The following KCNQ1 variants were observed in gnomAD, a reference collection of about 807,000 sequenced individuals.
KCNQ1 encodes potassium voltage-gated channel subfamily KQT member 1.
KCNQ1 carries 49 observed loss-of-function variants against 72.4 expected under a neutral mutation model. The observed-to-expected ratio is 0.68, with a 90% CI of 0.54 to 0.86. KCNQ1 has a LOEUF of 0.86. KCNQ1 is among the 40% of genes least tolerant of loss of function. The probability of loss-of-function intolerance (pLI) is 0.00; values close to 1 mark genes in which losing one functional copy is unlikely to be tolerated. For synonymous variants in KCNQ1, 450 were observed against 412.6 expected (o/e 1.09, Z -1.10); for missense variants, 790 against 945.1 (o/e 0.84, Z 2.15).
rs1481678954 is a variant in KCNQ1 at position 2,748,800 on chromosome 11, G to A, written c.1515-20044G>A. On this transcript the variant is annotated intron_variant, in intron 11 of 15. Transcript: ENST00000155840. This position sits in a 1 kb window ranked among gnomAD's most constrained non-coding sequence, Gnocchi z 6.2. ...ACTCACTGTGAGCTACAGAGACTGT[G>A]TTCTGGCCAGGTGAATGGTGCCCCT... 6.6e-6 allele frequency among the ~76,000 whole-genome samples: 1 copy of A among 152,254 alleles called. No individual in the cohort carries two copies. Among genetic ancestry groups the A allele is most frequent in the Non-Finnish European group, 1.5e-5 (1 of 68,046 alleles).
At position 2,767,554 on chromosome 11, in the gene KCNQ1, A is replaced by T. The variant is rs1157840888; in HGVS notation, c.1515-1290A>T. 2.0e-5 allele frequency among the ~76,000 whole-genome samples: 3 copies of T among 152,078 alleles called. No homozygotes were observed. Among genetic ancestry groups the T allele is most frequent in the African/African-American group, 7.2e-5 (3 of 41,414 alleles). On this transcript the variant is annotated intron_variant, in intron 11 of 15. Coordinates refer to ENST00000155840, the MANE Select transcript of KCNQ1 (RefSeq NM_000218.3). This position sits in a 1 kb window ranked among gnomAD's most constrained non-coding sequence, Gnocchi z 4.6. The stretch of plus-strand genomic sequence containing the variant: ...TATAAAATTGTAGATGCTCGAGGGT[A>T]TTATCTCCCTACAGATAATTTTATT...
chr11:2,583,056 T>C (rs1265176833), intron 6 of KCNQ1, among the ~76,000 whole-genome samples: 1 of 152,054 alleles, frequency 6.6e-6, no homozygotes, highest in Non-Finnish European at 1.5e-5. Flanking sequence ...GAGCTCCCGG[T>C]CTCCTGGGGG....
chr11:2,708,766 A>G lies in KCNQ1; in HGVS notation c.1514+46685A>G, dbSNP rs188431801. ...CTGTTCTCTCCCCAGGCCAATGGCC[A>G]GGGCTAAAGCCCTCCTTGGGACATG... is the stretch of plus-strand genomic sequence containing the variant. On this transcript the variant is annotated intron_variant, in intron 11 of 15. Transcript: ENST00000155840. Among the ~76,000 whole-genome samples the G allele has an allele frequency of 2.0e-4, 30 of 152,312 alleles. No homozygotes were observed. The East Asian group carries it at 3.9e-3, about 20-fold the overall frequency.
At chr11:2,807,488 G>C (rs538450744) in intron 15 of KCNQ1, among the ~76,000 whole-genome samples, 1 of 152,336 alleles carries the variant, frequency 6.6e-6, no homozygotes, top group Non-Finnish European at 1.5e-5. Context: ...ATGTCATGAG[G>C]TAACTGAACA....
chr11:2,838,251 TG>T (rs1271280325), intron 15 of KCNQ1, among the ~76,000 whole-genome samples: 1 of 152,088 alleles, frequency 6.6e-6, no homozygotes, highest in African/African-American at 2.4e-5. Context: ...GGGGGACAGG[TG>T]CCAAACTATC....
At chr11:2,717,845 AC>A (rs1197964990) in intron 11 of KCNQ1, among the ~76,000 whole-genome samples, 1 of 151,562 alleles carries the variant, frequency 6.6e-6, no homozygotes, top group Non-Finnish European at 1.5e-5. Context: ...GGCCAGAGGA[AC>A]CCCCTCTCCC....
intron 1 of KCNQ1, among the ~76,000 whole-genome samples, chr11:2,467,540 A>G (rs1274754057): frequency 6.6e-6 from 1 of 152,188 alleles, no homozygotes; most frequent in African/African-American, 2.4e-5. Flanking sequence ...GAGAACCACA[A>G]TCCGAGTCAC....
At chr11:2,792,863 G>T (rs1477837737) in intron 15 of KCNQ1, among the ~76,000 whole-genome samples, 3 of 152,206 alleles carry the variant, frequency 2.0e-5, no homozygotes, top group Non-Finnish European at 2.9e-5. Flanking sequence ...TGACAGCGGG[G>T]CCAGCACGCA....
At chr11:2,455,283 A>G (rs1205244754) in intron 1 of KCNQ1, among the ~76,000 whole-genome samples, 1 of 152,006 alleles carries the variant, frequency 6.6e-6, no homozygotes, top group African/African-American at 2.4e-5. Flanking sequence ...ATTTTTTAGT[A>G]GAGACGGGGT....
intron 15 of KCNQ1, among the ~76,000 whole-genome samples, chr11:2,789,419 CTGTT>C (rs1321661579): frequency 6.6e-6 from 1 of 152,220 alleles, no homozygotes; most frequent in East Asian, 1.9e-4. Context: ...TCAAAGCCAT[CTGTT>C]TGTCCATAGA....
chr11:2,480,303 A>G (rs573653360), intron 1 of KCNQ1, among the ~76,000 whole-genome samples: 1 of 152,314 alleles, frequency 6.6e-6, no homozygotes, highest in African/African-American at 2.4e-5. Context: ...GCTGATAAAG[A>G]CATACCTGAG....
At chr11:2,743,237 G>T (rs1351524585) in intron 11 of KCNQ1, among the ~76,000 whole-genome samples, 1 of 152,052 alleles carries the variant, frequency 6.6e-6, no homozygotes, top group Non-Finnish European at 1.5e-5. Flanking sequence ...ACCATGCGGG[G>T]CCCCTCATTG....
chr11:2,568,272 CATAAATAAATAA>C (rs71029149), intron 2 of KCNQ1, among the ~76,000 whole-genome samples: 61 of 149,174 alleles, frequency 4.1e-4, no homozygotes, highest in East Asian at 1.0e-3. Flanking sequence ...GACTCTGTCT[CATAAATAAATAA>C]ATAAATAAAT....
At chr11:2,716,675 A>G (rs2283202) in intron 11 of KCNQ1, among the ~76,000 whole-genome samples, 74,393 of 152,142 alleles carry the variant, frequency 0.49, 18,811 homozygotes, top group South Asian at 0.7. Context: ...CCCAAGCCCC[A>G]GAGACTCCAG....
At chr11:2,616,053 A>G (rs2133797142) in intron 10 of KCNQ1, 1 of 398,156 alleles carries the variant, frequency 2.5e-6, no homozygotes, top group Non-Finnish European at 4.4e-6. Flanking sequence ...GGGTCTGCTC[A>G]TAATTTCAAT....
At chr11:2,533,054 G>C (rs1160204119) in intron 2 of KCNQ1, among the ~76,000 whole-genome samples, 1 of 152,040 alleles carries the variant, frequency 6.6e-6, no homozygotes, top group African/African-American at 2.4e-5. Context: ...GGGAACCCAG[G>C]AGGGGCCGGG....
chr11:2,627,436 C>A lies in KCNQ1; in HGVS notation c.1394-34525C>A, dbSNP rs1353590855. On this transcript the variant is annotated intron_variant, in intron 10 of 15. Coordinates refer to ENST00000155840, the MANE Select transcript of KCNQ1 (RefSeq NM_000218.3). This position sits in a 1 kb window ranked among gnomAD's most constrained non-coding sequence, Gnocchi z 4.9. ...TTCATCTGATAACTCTATGTTTGTA[C>A]CCTTCAACATTTCCTATTTCCCCTA... 1 of 398,324 alleles carries A rather than the reference C, an allele frequency of 2.5e-6. No individual in the cohort carries two copies. Among genetic ancestry groups the A allele is most frequent in the Non-Finnish European group, 4.4e-6 (1 of 226,010 alleles). 24.7% of individuals were successfully genotyped at this position (398,324 alleles called of 1,614,324 possible).
intron 10 of KCNQ1, chr11:2,648,981 C>CTTTTTCTTTTTTTTTTTT (rs1849710913): frequency 4.7e-6 from 1 of 213,306 alleles, no homozygotes; most frequent in African/African-American, 4.4e-5. Flanking sequence ...TTTTCTTTTT[C>CTTTTTCTTTTTTTTTTTT]TTTTTTTTTT....
intron 10 of KCNQ1, chr11:2,643,509 C>T: frequency 2.5e-6 from 1 of 398,434 alleles, no homozygotes; most frequent in Non-Finnish European, 4.4e-6. Flanking sequence ...CATGTAATAT[C>T]TTTTCCCATT....
Sources: allele counts gnomAD v4.1 joint callset (sites outside exome capture counted in the v4.1 genomes callset), GRCh38; gene constraint gnomAD v4.1.1; non-coding constraint Gnocchi (gnomAD v3.1); transcripts MANE v1.5; gene names NCBI Gene and HGNC (gene_info 2026-07-23, HGNC 2026-07-21).